Variants in MOK observed in about 807,000 individuals in gnomAD.
The protein encoded by MOK is MAPK/MAK/MRK overlapping kinase.
MOK carries 59 observed loss-of-function variants against 54.2 expected under a neutral mutation model. The ratio of observed to expected loss-of-function variants is 1.09; its 90% CI spans 0.88 to 1.35. The LOEUF (loss-of-function observed/expected upper bound fraction) is 1.35, where lower values mean the gene tolerates loss of function less well. Ranked by LOEUF, MOK falls within the 40% of genes most tolerant of loss-of-function variation. The pLI is 0.00. For missense variants in MOK, 517 were observed against 526.2 expected (o/e 0.98, Z 0.17); for synonymous variants, 210 against 202.7 (o/e 1.04, Z -0.31).
chr14:102,302,544 T>C (rs1047644764), intron 1 of MOK, among the ~76,000 whole-genome samples: 1 of 151,536 alleles, frequency 6.6e-6, no homozygotes, highest in Non-Finnish European at 1.5e-5. Context: ...GCCTCCCGAG[T>C]AGCTGGGACT....
intron 3 of MOK, chr14:102,264,608 T>G (rs1248113697): frequency 6.6e-6 from 1 of 152,250 alleles, no homozygotes; most frequent in Non-Finnish European, 1.5e-5. Context: ...GCGTGGGAAG[T>G]GCACGACGTG....
intron 1 of MOK, among the ~76,000 whole-genome samples, chr14:102,283,911 T>C (rs1264071185): frequency 6.6e-6 from 1 of 152,002 alleles, no homozygotes; most frequent in Non-Finnish European, 1.5e-5. Flanking sequence ...CCAGCAGGGG[T>C]GGGCATGGGC....
chr14:102,268,073 G>A (rs931120140), intron 2 of MOK, among the ~76,000 whole-genome samples: 6 of 152,020 alleles, frequency 3.9e-5, no homozygotes, highest in South Asian at 2.1e-4. Context: ...TTGAACACCC[G>A]ATCTGAAAAA....
At chr14:102,282,595 C>T (rs1038931535) in intron 2 of MOK, among the ~76,000 whole-genome samples, 4 of 151,656 alleles carry the variant, frequency 2.6e-5, no homozygotes, top group South Asian at 2.1e-4. Flanking sequence ...ATTAGCCAGG[C>T]GTGTGGTGTG....
At chr14:102,251,020 A>G in intron 6 of MOK, 30 bp from the exon 7 acceptor site, 1 of 1,608,890 alleles carries the variant, frequency 6.2e-7, no homozygotes, top group Non-Finnish European at 8.5e-7. Flanking sequence ...AGGACAAGTA[A>G]CATCCCATTA....
intron 1 of MOK, among the ~76,000 whole-genome samples, chr14:102,299,374 T>C (rs767323669): frequency 6.6e-6 from 1 of 151,950 alleles, no homozygotes; most frequent in South Asian, 2.1e-4. Flanking sequence ...ATTAACCAGG[T>C]GTGGTGGTTT....
intron 2 of MOK, among the ~76,000 whole-genome samples, chr14:102,272,342 G>A (rs2068442837): frequency 6.6e-6 from 1 of 152,026 alleles, no homozygotes; most frequent in Admixed American, 6.6e-5. Flanking sequence ...ACAAAAATTA[G>A]CCAGGCATGG....
Position 102,232,410 on chromosome 14 carries a change from G to A in MOK, c.866+125C>T, listed in dbSNP as rs1468283745. The A allele has an allele frequency of 8.5e-7, 1 of 1,181,190 alleles. No individual in the cohort carries two copies. The highest frequency in any genetic ancestry group is 2.4e-5 in the East Asian group (1 of 41,836). 73.2% of individuals were successfully genotyped at this position (1,181,190 alleles called of 1,614,324 possible). ...CCAAGAGGCCCTGACCACTCTTCAG[G>A]ATAGAGAGCGCGATTCCCAAGAACC... is the stretch of plus-strand genomic sequence containing the variant. On this transcript the variant is annotated intron_variant, in intron 9 of 11. Transcript: ENST00000361847. The surrounding 1 kb of genome is among the most constrained non-coding windows in gnomAD (Gnocchi z 5.1).
chr14:102,277,209 T>C (rs1237654211), intron 2 of MOK: 4 of 151,984 alleles, frequency 2.6e-5, no homozygotes, highest in Non-Finnish European at 4.4e-5. Flanking sequence ...TCGAATTTCA[T>C]AAGCAGCTTT....
At chr14:102,244,832 A>G (rs557300132) in intron 7 of MOK, among the ~76,000 whole-genome samples, 1 of 152,214 alleles carries the variant, frequency 6.6e-6, no homozygotes, top group East Asian at 1.9e-4. Flanking sequence ...GCAGTTTCTC[A>G]GGCTCTTGGT....
At chr14:102,239,438 A>AGACCCT (rs1237591823) in intron 7 of MOK, among the ~76,000 whole-genome samples, 7 of 151,724 alleles carry the variant, frequency 4.6e-5, no homozygotes, top group South Asian at 2.1e-4. Flanking sequence ...CCTCCTTCTG[A>AGACCCT]TTCTCAATTA....
chr14:102,276,348 G>C (rs2068861791), intron 2 of MOK, among the ~76,000 whole-genome samples: 1 of 152,008 alleles, frequency 6.6e-6, no homozygotes, highest in Non-Finnish European at 1.5e-5. Flanking sequence ...AATTAGCCGG[G>C]CGTGGTGGCG....
the MOK span, among the ~76,000 whole-genome samples, chr14:102,215,288 GTA>G: frequency 4.6e-5 from 7 of 152,200 alleles, no homozygotes; most frequent in East Asian, 1.3e-3. Context: ...GCTGAGCTGT[GTA>G]GAGGCTTCTG....
Position 102,265,807 on chromosome 14 carries a change from C to T in MOK, c.212+16G>A. ...CATCAAATTTAGATAACTTTTCAAG[C>T]TCCAAATATACTTACAAAACCACTT... On this transcript the variant is annotated intron_variant, in intron 3 of 11. Coordinates refer to ENST00000361847, the MANE Select transcript of MOK (RefSeq NM_014226.3). The T allele has an allele frequency of 1.3e-6, 2 of 1,595,938 alleles. No homozygotes were observed. Among genetic ancestry groups the T allele is most frequent in the Non-Finnish European group, 1.7e-6 (2 of 1,164,762 alleles).
rs1352795722 is a variant in MOK at position 102,233,781 on chromosome 14, G to A, written c.599C>T (p.Pro200Leu). Reference protein sequence around the residue: ...CVFYEIASLQPLFPGVNELDQ... With the variant: ...CVFYEIASLQLLFPGVNELDQ... Reference sequence around the variant, plus strand: ...CAGTTCATTTACTCCAGGAAAGAGGGGCTGCAGACTGGAAGGGCAGAAGGG... The same window carrying A: ...CAGTTCATTTACTCCAGGAAAGAGGAGCTGCAGACTGGAAGGGCAGAAGGG... Residue 200 changes from proline to leucine, a missense_variant, in exon 8 of 12, where the codon CCC (proline) becomes CTC (leucine). Pro to Leu is a moderately conservative substitution (Grantham distance 98). Transcript: ENST00000361847. 5.0e-6 allele frequency: 8 copies of A among 1,613,410 alleles called. No homozygotes were observed. Among genetic ancestry groups the A allele is most frequent in the Non-Finnish European group, 6.8e-6 (8 of 1,179,460 alleles).
the MOK span, among the ~76,000 whole-genome samples, chr14:102,217,657 TAG>T: frequency 6.6e-6 from 1 of 152,256 alleles, no homozygotes; most frequent in Non-Finnish European, 1.5e-5. Flanking sequence ...TTGTGTGATG[TAG>T]AGACTGGCTT....
chr14:102,293,629 C>T (rs992211591), intron 1 of MOK, among the ~76,000 whole-genome samples: 32 of 126,674 alleles, frequency 2.5e-4, no homozygotes, highest in East Asian at 1.7e-3. Context: ...ACCCAGGAGG[C>T]GGAGGTTGCG....
chr14:102,286,476 T>C lies in MOK; in HGVS notation c.8-2884A>G, dbSNP rs1355992550. 2.0e-5 allele frequency among the ~76,000 whole-genome samples: 3 copies of C among 151,550 alleles called. No homozygotes were observed. The South Asian group carries it at 6.3e-4, about 32-fold the overall frequency. ...ACAAAAAATAATTAGCCAGACTCAA[T>C]GGCACACGCCTGTCATCCCAGCTAC... is the stretch of plus-strand genomic sequence containing the variant. On this transcript the variant is annotated intron_variant, in intron 1 of 11. Coordinates refer to ENST00000361847, the MANE Select transcript of MOK (RefSeq NM_014226.3).
At chr14:102,237,917 G>A (rs1025614694) in intron 7 of MOK, 3 of 152,144 alleles carry the variant, frequency 2.0e-5, no homozygotes, top group South Asian at 2.1e-4. Context: ...CTCTCCTCCC[G>A]AGCATGAGGC....
Sources: gnomAD v4.1 joint callset for allele counts (sites outside exome capture counted in the v4.1 genomes callset) on GRCh38, gnomAD v4.1.1 for gene constraint, Gnocchi (gnomAD v3.1) non-coding constraint, MANE v1.5 for transcripts, NCBI Gene and HGNC (gene_info 2026-07-23, HGNC 2026-07-21) for gene names.